Variants in LAMA3 observed in about 807,000 individuals in gnomAD.
LAMA3 encodes laminin subunit alpha-3.
LAMA3 carries 281 observed loss-of-function variants against 402.0 expected under a neutral mutation model. That is an observed-to-expected ratio of 0.70 (90% CI 0.63 to 0.77). LAMA3 has a LOEUF of 0.77. Among genes scored for constraint, LAMA3 ranks in the 30% least tolerant of loss-of-function variants. The pLI is 0.00. For synonymous variants in LAMA3, 1,431 were observed against 1,558.4 expected, an observed-to-expected ratio of 0.92 and a Z score of 1.93; for missense variants, 3,840 against 4,215.5, an observed-to-expected ratio of 0.91 and a Z score of 2.47.
chr18:23,869,928 C>T (rs574038740), intron 37 of LAMA3, among the ~76,000 whole-genome samples: 6 of 151,672 alleles, frequency 4.0e-5, no homozygotes, highest in African/African-American at 2.4e-5. Context: ...ATTAGCCAGG[C>T]GTGGTGGCAC....
chr18:23,717,488 TA>T (rs1471348652), intron 2 of LAMA3, among the ~76,000 whole-genome samples: 32 of 152,072 alleles, frequency 2.1e-4, no homozygotes, highest in Middle Eastern at 3.4e-3. Flanking sequence ...TTTTCATTGT[TA>T]TTTTTTTGGC....
intron 12 of LAMA3, among the ~76,000 whole-genome samples, chr18:23,784,771 GA>G (rs1369369440): frequency 6.6e-6 from 1 of 152,132 alleles, no homozygotes; most frequent in Non-Finnish European, 1.5e-5. Context: ...ACACATGAAT[GA>G]ATGAATTTGC....
At chr18:23,897,197 G>T (rs2080904806) in intron 44 of LAMA3, among the ~76,000 whole-genome samples, 2 of 152,200 alleles carry the variant, frequency 1.3e-5, no homozygotes, top group South Asian at 2.1e-4. Flanking sequence ...CAGTAGATGA[G>T]ATCAGCTCTA....
At chr18:23,886,994 A>G (rs1252148015) in intron 41 of LAMA3, among the ~76,000 whole-genome samples, 1 of 152,248 alleles carries the variant, frequency 6.6e-6, no homozygotes, top group African/African-American at 2.4e-5. Flanking sequence ...TTCTATGGCA[A>G]AAGATGGTAA....
At chr18:23,717,141 T>C (rs936175870) in intron 2 of LAMA3, among the ~76,000 whole-genome samples, 1 of 152,202 alleles carries the variant, frequency 6.6e-6, no homozygotes, top group African/African-American at 2.4e-5. Flanking sequence ...TCCTCTTCTG[T>C]GTTGGAGCAT....
At chr18:23,808,344 CATT>C (rs1339263859) in intron 12 of LAMA3, among the ~76,000 whole-genome samples, 1 of 151,870 alleles carries the variant, frequency 6.6e-6, no homozygotes, top group Non-Finnish European at 1.5e-5. Context: ...AGTTATATTA[CATT>C]ATTATTTTAT....
chr18:23,695,540 G>A (rs2060667753), intron 1 of LAMA3, among the ~76,000 whole-genome samples: 1 of 152,004 alleles, frequency 6.6e-6, no homozygotes, highest in African/African-American at 2.4e-5. Flanking sequence ...TCATCCTTAA[G>A]GCCAGGAATG....
intron 72 of LAMA3, 72 bp from the exon 73 acceptor site, chr18:23,951,612 G>A: frequency 8.3e-7 from 1 of 1,210,820 alleles, no homozygotes; most frequent in Non-Finnish European, 1.2e-6. Flanking sequence ...GGTTTGGGGA[G>A]GGAAGATGGC....
intron 9 of LAMA3, 149 bp downstream of exon 9, chr18:23,773,736 C>T (rs1044619067): frequency 1.5e-6 from 1 of 663,560 alleles, no homozygotes; most frequent in South Asian, 1.6e-5. Context: ...CAGTCACTTA[C>T]ACAGTCTCTT....
chr18:23,799,725 T>C (rs1224690317), intron 12 of LAMA3, among the ~76,000 whole-genome samples: 2 of 151,834 alleles, frequency 1.3e-5, no homozygotes, highest in Non-Finnish European at 2.9e-5. Flanking sequence ...ATCGGAGGTG[T>C]GTGTGTACGT....
chr18:23,942,975 G>A (rs1276970450), intron 68 of LAMA3, among the ~76,000 whole-genome samples: 1 of 152,136 alleles, frequency 6.6e-6, no homozygotes, highest in East Asian at 1.9e-4. Context: ...GAAATGTAGA[G>A]ATGGGTGGGA....
At chr18:23,934,487 T>G (rs2082255596) in intron 67 of LAMA3, among the ~76,000 whole-genome samples, 1 of 152,160 alleles carries the variant, frequency 6.6e-6, no homozygotes, top group Non-Finnish European at 1.5e-5. Context: ...TCAGAGGGAC[T>G]GAGAGGAAAT....
chr18:23,772,703 G>A (rs1389340118), intron 8 of LAMA3, among the ~76,000 whole-genome samples: 1 of 152,232 alleles, frequency 6.6e-6, no homozygotes, highest in Non-Finnish European at 1.5e-5. Flanking sequence ...CTGTGTTTCT[G>A]TGCAGACTTT....
At chr18:23,773,286 C>T (rs2062241365) in intron 8 of LAMA3, among the ~76,000 whole-genome samples, 1 of 152,112 alleles carries the variant, frequency 6.6e-6, no homozygotes, top group Admixed American at 6.5e-5. Context: ...TTTCCTCTCC[C>T]AATAAGAAAA....
chr18:23,689,556 C>T lies in LAMA3; in HGVS notation c.-128C>T, dbSNP rs1210767191. The T allele has an allele frequency of 3.2e-6, 3 of 931,664 alleles. No homozygotes were observed. The highest frequency in any genetic ancestry group is 4.2e-6 in the Non-Finnish European group (3 of 719,306). 57.7% of individuals were successfully genotyped at this position (931,664 alleles called of 1,614,324 possible). A position where few individuals can be genotyped will look rare whatever the true frequency, so the allele number is the denominator to read the frequency against. ...CAGCGCGTGGAGCAAGGGGAGCGGC[C>T]CCGGCGCCGCCCATATCCCCGGCTG... On this transcript the variant is annotated 5_prime_UTR_variant, in exon 1 of 75. Coordinates refer to ENST00000313654, the MANE Select transcript of LAMA3 (RefSeq NM_198129.4).
rs116055551 is a variant in LAMA3, at chr18:23,737,629, C to T, written c.448-10314C>T. On this transcript the variant is annotated intron_variant, in intron 2 of 74. Transcript: ENST00000313654. Reference sequence around the variant, plus strand: ...TGACTTTGAGCTGTCCTGTTTTACGCCAAGTAAGTGGAATCCTTAGGGTTC... The same window carrying T: ...TGACTTTGAGCTGTCCTGTTTTACGTCAAGTAAGTGGAATCCTTAGGGTTC... Among the ~76,000 whole-genome samples, 747 of 152,342 alleles carry T rather than the reference C, an allele frequency of 4.9e-3. 11 individuals carry two copies. The highest frequency in any genetic ancestry group is 0.017 in the African/African-American group (717 of 41,576).
In LAMA3 at chr18:23,815,516, G is replaced by C; in HGVS notation, c.1990G>C (p.Asp664His). 1.9e-6 allele frequency: 3 copies of C among 1,614,170 alleles called. No homozygotes were observed. Among genetic ancestry groups the C allele is most frequent in the Non-Finnish European group, 2.5e-6 (3 of 1,180,026 alleles). ...CKSHVGGDSC[D>H]TCEDGYFALE... ...GTCCCATGTGGGTGGCGATTCCTGC[G>C]ACACCTGTGAAGATGGATATTTTGC... The change falls in exon 17 of 75, where the codon GAC becomes CAC. Residue 664 changes from aspartate to histidine, a missense_variant. Asp to His is a moderately conservative substitution (Grantham distance 81, BLOSUM62 -1). Transcript: ENST00000313654.
intron 8 of LAMA3, among the ~76,000 whole-genome samples, 189 bp downstream of exon 8, chr18:23,763,712 T>C (rs954834780): frequency 2.6e-5 from 4 of 152,248 alleles, no homozygotes; most frequent in African/African-American, 9.6e-5. Context: ...GAAAATGGAC[T>C]GAGGTATGTT....
In LAMA3 at chr18:23,810,432, G is replaced by A. The variant is rs2063045404; in HGVS notation, c.1670G>A (p.Cys557Tyr). The A allele has an allele frequency of 6.2e-7, 1 of 1,614,144 alleles. No homozygotes were observed. The highest frequency in any genetic ancestry group is 8.5e-7 in the Non-Finnish European group (1 of 1,180,020). Residue 557 changes from cysteine (C) to tyrosine (Y), a missense_variant, in exon 13 of 75, where the codon TGT becomes TAT. By Grantham distance (194) the Cys-to-Tyr change is radical. This residue lies in a region of LAMA3 where 2,109 missense variants were observed against 2,376.0 expected (regional missense o/e 0.89). Transcript: ENST00000313654. ...PCSSVTGQCE[C>Y]RPGVTGQRCD... ...AGCTCAGTGACTGGACAGTGTGAAT[G>A]TCGGCCAGGAGTTACAGGACAGCGG...
Sources: gnomAD v4.1 joint callset for allele counts (sites outside exome capture counted in the v4.1 genomes callset) on GRCh38, gnomAD v4.1.1 for gene constraint, gnomAD v4.1.1 regional missense constraint, MANE v1.5 for transcripts, NCBI Gene and HGNC (gene_info 2026-07-23, HGNC 2026-07-21) for gene names.